Variants in PAK2 observed in about 807,000 individuals in gnomAD.
PAK2 encodes p21 (RAC1) activated kinase 2.
PAK2 carries 21 observed loss-of-function variants against 65.9 expected under a neutral mutation model. The ratio of observed to expected loss-of-function variants is 0.32; its 90% confidence interval spans 0.23 to 0.46. PAK2 has a LOEUF of 0.46. Among genes scored for constraint, PAK2 ranks in the 20% least tolerant of loss-of-function variants. The pLI is 1.00. For synonymous variants in PAK2, 204 were observed against 219.7 expected (o/e 0.93, Z 0.63); for missense variants, 324 against 642.6 (o/e 0.50, Z 5.36).
At chr3:196,761,230 A>C (rs997893971) in intron 1 of PAK2, among the ~76,000 whole-genome samples, 1 of 124,338 alleles carries the variant, frequency 8.0e-6, no homozygotes, top group Non-Finnish European at 1.7e-5. Flanking sequence ...GTCATGGGAC[A>C]ATAGTGGAGG....
intron 2 of PAK2, among the ~76,000 whole-genome samples, chr3:196,787,103 C>T (rs193251648): frequency 4.3e-4 from 66 of 152,164 alleles, no homozygotes; most frequent in African/African-American, 1.6e-3. Flanking sequence ...GGATTACAGG[C>T]GCGAGCCACC....
intron 8 of PAK2, among the ~76,000 whole-genome samples, chr3:196,810,885 C>G (rs1178018774): frequency 6.6e-6 from 1 of 151,804 alleles, no homozygotes; most frequent in East Asian, 1.9e-4. Flanking sequence ...GTGTCATTTC[C>G]CATCTGTGAT....
intron 2 of PAK2, among the ~76,000 whole-genome samples, chr3:196,793,419 G>GA (rs1477088355): frequency 6.6e-6 from 1 of 151,976 alleles, no homozygotes; most frequent in Non-Finnish European, 1.5e-5. Context: ...ATGGCCTGGG[G>GA]AAAAAAATAC....
At chr3:196,749,560 A>G (rs1713501374) in intron 1 of PAK2, among the ~76,000 whole-genome samples, 2 of 152,168 alleles carry the variant, frequency 1.3e-5, no homozygotes, top group African/African-American at 2.4e-5. Context: ...TGTCTATTCA[A>G]GTGCTCATGT....
At chr3:196,811,315 T>C (rs879869944) in intron 8 of PAK2, among the ~76,000 whole-genome samples, 137 of 992 alleles carry the variant, frequency 0.14, no homozygotes, top group Non-Finnish European at 0.17. Context: ...CTTCCCTTCC[T>C]TTCCTTCCTT....
chr3:196,811,286 C>T (rs1416670441), intron 8 of PAK2, among the ~76,000 whole-genome samples: 6 of 31,902 alleles, frequency 1.9e-4, no homozygotes, highest in South Asian at 2.0e-3. Context: ...TCCCTTCCCT[C>T]CCTTCCCTCC....
chr3:196,795,796 G>A (rs547699865), intron 2 of PAK2, among the ~76,000 whole-genome samples: 1 of 152,334 alleles, frequency 6.6e-6, no homozygotes, highest in East Asian at 1.9e-4. Context: ...CAGGCAGAAG[G>A]AAGGTGATGT....
At chr3:196,805,526 C>A in intron 5 of PAK2, 143 bp downstream of exon 5, 1 of 501,170 alleles carries the variant, frequency 2.0e-6, no homozygotes, top group Non-Finnish European at 3.5e-6. Context: ...AGCTAGCCAC[C>A]TGATTAGTTG....
At chr3:196,774,516 G>A (rs2108732741) in intron 1 of PAK2, among the ~76,000 whole-genome samples, 1 of 152,230 alleles carries the variant, frequency 6.6e-6, no homozygotes, top group Non-Finnish European at 1.5e-5. Flanking sequence ...GATTTGGTTG[G>A]GTAGATAAAA....
intron 3 of PAK2, among the ~76,000 whole-genome samples, chr3:196,802,687 AC>A (rs1398065264): frequency 6.6e-6 from 1 of 152,084 alleles, no homozygotes; most frequent in Non-Finnish European, 1.5e-5. Context: ...TACTAAAAAT[AC>A]AAAAAATTAG....
chr3:196,742,096 T>A (rs1216395911), intron 1 of PAK2, among the ~76,000 whole-genome samples: 1 of 116,148 alleles, frequency 8.6e-6, no homozygotes, highest in Non-Finnish European at 1.9e-5. Flanking sequence ...ACAATTAATA[T>A]TTCTTTTTTT....
chr3:196,823,012 A>G (rs577478573), intron 13 of PAK2, among the ~76,000 whole-genome samples: 2 of 152,130 alleles, frequency 1.3e-5, no homozygotes, highest in African/African-American at 4.8e-5. Flanking sequence ...CTTTTACTGG[A>G]GGCCAAATGG....
intron 1 of PAK2, among the ~76,000 whole-genome samples, chr3:196,760,127 G>A (rs1035830599): frequency 2.6e-5 from 4 of 152,078 alleles, no homozygotes; most frequent in African/African-American, 9.7e-5. Flanking sequence ...CCATTGTATG[G>A]GTGAAAGAGA....
chr3:196,749,829 G>GTT (rs77020093), intron 1 of PAK2, among the ~76,000 whole-genome samples: 7 of 149,160 alleles, frequency 4.7e-5, no homozygotes, highest in African/African-American at 1.7e-4. Context: ...ATTGTTTTCT[G>GTT]TTTTTTTTTT....
intron 1 of PAK2, among the ~76,000 whole-genome samples, chr3:196,753,910 T>C (rs1577698076): frequency 6.6e-6 from 1 of 152,354 alleles, no homozygotes; most frequent in African/African-American, 2.4e-5. Context: ...AATAATACTT[T>C]TGGTGATTAC....
intron 2 of PAK2, among the ~76,000 whole-genome samples, chr3:196,784,154 A>G (rs1032167496): frequency 6.6e-6 from 1 of 151,846 alleles, no homozygotes; most frequent in Admixed American, 6.6e-5. Flanking sequence ...ATTCCAGTTG[A>G]ATCAGCAATC....
intron 7 of PAK2, among the ~76,000 whole-genome samples, chr3:196,809,348 C>CT (rs758343803): frequency 0.75 from 67,633 of 90,732 alleles, 28,081 homozygotes; most frequent in East Asian, 0.96. Flanking sequence ...TTATTATTAT[C>CT]TTTTTTTTTT....
intron 1 of PAK2, among the ~76,000 whole-genome samples, chr3:196,759,679 A>C (rs902996590): frequency 6.6e-6 from 1 of 151,448 alleles, no homozygotes; most frequent in Non-Finnish European, 1.5e-5. Flanking sequence ...GGCACGCACC[A>C]CCACGCCCAG....
At chr3:196,740,874 A>C (rs1713169224) in intron 1 of PAK2, among the ~76,000 whole-genome samples, 1 of 150,616 alleles carries the variant, frequency 6.6e-6, no homozygotes, top group South Asian at 2.1e-4. Context: ...ACAAACACAA[A>C]ACGTTGCCAC....
Sources: gnomAD v4.1 joint callset for allele counts (sites outside exome capture counted in the v4.1 genomes callset) on GRCh38, gnomAD v4.1.1 for gene constraint, MANE v1.5 for transcripts, NCBI Gene and HGNC (gene_info 2026-07-23, HGNC 2026-07-21) for gene names.